The following KCNG3 variants were observed in gnomAD, a reference collection of about 807,000 sequenced individuals.
The protein encoded by KCNG3 is potassium voltage-gated channel modifier subfamily G member 3, also known as voltage-gated potassium channel regulatory subunit KCNG3.
In KCNG3, 15 loss-of-function variants were observed where a neutral mutation model predicts 29.0. The observed-to-expected ratio is 0.52, with a 90% CI of 0.35 to 0.80. The LOEUF is 0.80. Among genes scored for constraint, KCNG3 ranks in the 30% least tolerant of loss-of-function variants. The pLI is 0.01. For synonymous variants in KCNG3, 322 were observed against 248.9 expected, an observed-to-expected ratio of 1.29 and a Z score of -2.76; for missense variants, 512 against 605.7, an observed-to-expected ratio of 0.85 and a Z score of 1.62.
chr2:42,409,748 A>G, the KCNG3 span, among the ~76,000 whole-genome samples: 14 of 150,678 alleles, frequency 9.3e-5, no homozygotes, highest in Admixed American at 3.3e-4. Flanking sequence ...TAAATTATAC[A>G]GTGAAAAAGC....
At chr2:42,472,896 TATA>T in intron 1 of KCNG3, among the ~76,000 whole-genome samples, 1 of 97,928 alleles carries the variant, frequency 1.0e-5, no homozygotes, top group Non-Finnish European at 2.0e-5. Context: ...GATAGATATA[TATA>T]TATATTTTTT....
intron 1 of KCNG3, among the ~76,000 whole-genome samples, chr2:42,472,838 A>G (rs112573323): frequency 0.13 from 19,088 of 146,990 alleles, 1,531 homozygotes; most frequent in South Asian, 0.22. Flanking sequence ...CTATATATAG[A>G]TATCTATGTA....
At chr2:42,476,710 G>T (rs545850356) in intron 1 of KCNG3, among the ~76,000 whole-genome samples, 2 of 149,768 alleles carry the variant, frequency 1.3e-5, no homozygotes, top group African/African-American at 4.9e-5. Context: ...GGCTGGTCTC[G>T]AACTCCTGGC....
chr2:42,461,963 A>AT (rs1163981584), intron 1 of KCNG3, among the ~76,000 whole-genome samples: 1 of 152,220 alleles, frequency 6.6e-6, no homozygotes, highest in African/African-American at 2.4e-5. Flanking sequence ...AACAAATGAT[A>AT]TTTTTAATTT....
chr2:42,483,380 T>A (rs1270353599), intron 1 of KCNG3, among the ~76,000 whole-genome samples: 1 of 152,234 alleles, frequency 6.6e-6, no homozygotes, highest in African/African-American at 2.4e-5. Context: ...TTAGCCTAAA[T>A]ATATACTCAC....
At chr2:42,490,269 A>G (rs578231035) in intron 1 of KCNG3, among the ~76,000 whole-genome samples, 19 of 152,132 alleles carry the variant, frequency 1.2e-4, no homozygotes, top group Non-Finnish European at 2.5e-4. Context: ...TGCATTAACT[A>G]GAATTTATAT....
intron 1 of KCNG3, among the ~76,000 whole-genome samples, chr2:42,452,243 A>ATATATATATATATTTTTTTTT: frequency 1.1e-5 from 1 of 95,052 alleles, no homozygotes; most frequent in African/African-American, 3.9e-5. Context: ...ATATATATAT[A>ATATATATATATATTTTTTTTT]TTTTTTTTTT....
At chr2:42,433,522 T>A in the KCNG3 span, among the ~76,000 whole-genome samples, 45 of 152,282 alleles carry the variant, frequency 3.0e-4, no homozygotes, top group African/African-American at 1.0e-3. Flanking sequence ...GCATATCACT[T>A]GAGGTCAGGA....
chr2:42,489,609 G>T (rs1380491907), intron 1 of KCNG3, among the ~76,000 whole-genome samples: 1 of 152,134 alleles, frequency 6.6e-6, no homozygotes, highest in East Asian at 1.9e-4. Flanking sequence ...ACATCCACTA[G>T]GGTGATCAGT....
At chr2:42,490,869 G>C (rs912799261) in intron 1 of KCNG3, among the ~76,000 whole-genome samples, 1 of 152,154 alleles carries the variant, frequency 6.6e-6, no homozygotes, top group Non-Finnish European at 1.5e-5. Flanking sequence ...TACTTAAAGT[G>C]ACAGGTTAAG....
the KCNG3 span, among the ~76,000 whole-genome samples, chr2:42,429,146 C>CAAAA: frequency 6.8e-6 from 1 of 146,920 alleles, no homozygotes; most frequent in Non-Finnish European, 1.5e-5. Context: ...AACAAACAAA[C>CAAAA]AAAAAAAAAA....
intron 1 of KCNG3, among the ~76,000 whole-genome samples, chr2:42,448,243 T>C (rs1672653677): frequency 1.3e-5 from 2 of 152,324 alleles, no homozygotes; most frequent in Admixed American, 1.3e-4. Flanking sequence ...TTCCTTGAAA[T>C]ACCAGTTTTG....
the KCNG3 span, among the ~76,000 whole-genome samples, chr2:42,395,736 T>G: frequency 6.6e-6 from 1 of 152,136 alleles, no homozygotes; most frequent in South Asian, 2.1e-4. Context: ...GGAGGATTCT[T>G]TGAGGCCAGG....
chr2:42,397,852 C>T, the KCNG3 span, among the ~76,000 whole-genome samples: 2 of 152,184 alleles, frequency 1.3e-5, no homozygotes, highest in South Asian at 4.1e-4. Flanking sequence ...TTGTATGGCC[C>T]TTTTAGAGTC....
At chr2:42,402,433 C>T in the KCNG3 span, among the ~76,000 whole-genome samples, 2 of 152,158 alleles carry the variant, frequency 1.3e-5, no homozygotes, top group Admixed American at 1.3e-4. Context: ...TGCCAGTAAT[C>T]CCAGCACTTT....
the KCNG3 span, among the ~76,000 whole-genome samples, chr2:42,410,982 C>T: frequency 3.9e-5 from 6 of 152,090 alleles, no homozygotes; most frequent in African/African-American, 1.4e-4. Context: ...GTATGCTTTG[C>T]GGGTGCCAAT....
At chr2:42,487,894 C>T (rs1287313378) in intron 1 of KCNG3, among the ~76,000 whole-genome samples, 1 of 152,174 alleles carries the variant, frequency 6.6e-6, no homozygotes, top group Non-Finnish European at 1.5e-5. Context: ...CAGTAGAATA[C>T]TACGAAGCTG....
chr2:42,397,115 G>A, the KCNG3 span, among the ~76,000 whole-genome samples: 2 of 151,944 alleles, frequency 1.3e-5, no homozygotes, highest in African/African-American at 4.8e-5. Context: ...CGTGGTGGCA[G>A]ACACCTGTAA....
intron 1 of KCNG3, among the ~76,000 whole-genome samples, chr2:42,461,232 T>C (rs1673011362): frequency 6.9e-6 from 1 of 143,952 alleles, no homozygotes; most frequent in African/African-American, 2.5e-5. Flanking sequence ...TAGGAGCTAA[T>C]TTACATAAAG....
Sources: gnomAD v4.1 joint callset for allele counts (sites outside exome capture counted in the v4.1 genomes callset) on GRCh38, gnomAD v4.1.1 for gene constraint, MANE v1.5 for transcripts, NCBI Gene and HGNC (gene_info 2026-07-23, HGNC 2026-07-21) for gene names.